EPB41L5: variants seen among roughly 807,000 people sequenced by gnomAD.
EPB41L5 encodes erythrocyte membrane protein band 4.1 like 5, also known as band 4.1-like protein 5.
EPB41L5 carries 55 observed loss-of-function variants against 106.6 expected under a neutral mutation model. The observed-to-expected ratio is 0.52, with a 90% CI of 0.42 to 0.65. The LOEUF (loss-of-function observed/expected upper bound fraction) is 0.65, where lower values mean the gene tolerates loss of function less well. EPB41L5 is among the 30% of genes least tolerant of loss of function. EPB41L5 has a pLI of 0.00. For synonymous variants in EPB41L5, 297 were observed against 306.7 expected (o/e 0.97, Z 0.33); for missense variants, 871 against 882.1 (o/e 0.99, Z 0.16).
chr2:120,167,446 T>C lies in EPB41L5; in HGVS notation c.1963-20T>C. 3 of 1,603,996 alleles carry C rather than the reference T, an allele frequency of 1.9e-6. No homozygotes were observed. The highest frequency in any genetic ancestry group is 1.3e-5 in the African/African-American group (1 of 74,822). On this transcript the variant is annotated intron_variant, in intron 22 of 24. Coordinates refer to ENST00000263713, the MANE Select transcript of EPB41L5 (RefSeq NM_020909.4). The stretch of plus-strand genomic sequence containing the variant: ...TCAGTCTTTCCAAAAAGTAAATACA[T>C]ACATATAAAATTATTTCAGGTGTCT...
chr2:120,048,123 T>TG (rs553428869), intron 3 of EPB41L5, among the ~76,000 whole-genome samples: 1 of 152,288 alleles, frequency 6.6e-6, no homozygotes, highest in South Asian at 2.1e-4. Flanking sequence ...TAAAATTCTT[T>TG]TTTTGTTGTG....
chr2:120,168,982 G>C (rs1398236553), intron 24 of EPB41L5, among the ~76,000 whole-genome samples: 2 of 152,148 alleles, frequency 1.3e-5, no homozygotes, highest in African/African-American at 4.8e-5. Flanking sequence ...GCTGCACACA[G>C]AGAACCCGAC....
Position 120,167,494 on chromosome 2 carries a change from G to A in EPB41L5, c.1991G>A (p.Arg664Gln), listed in dbSNP as rs760264529. 50 of 1,613,690 alleles carry A rather than the reference G, an allele frequency of 3.1e-5. No individual in the cohort carries two copies. The highest frequency in any genetic ancestry group is 6.7e-5 in the Admixed American group (4 of 60,002). Residue 664 changes from arginine (R) to glutamine (Q), a missense_variant, in exon 23 of 25, where the codon CGG becomes CAG. Transcript: ENST00000263713. ...TCTTCCACATCCATGATCACACCCC[G>A]GTGGATTGTTCCGGTAAGTTCATGT... ...QVSSTSMITP[R>Q]WIVPQSGAMS...
chr2:120,070,708 A>G (rs550964999), intron 3 of EPB41L5, among the ~76,000 whole-genome samples: 27 of 152,236 alleles, frequency 1.8e-4, no homozygotes, highest in Non-Finnish European at 3.1e-4. Context: ...AACGTAATCC[A>G]TCAGCTAAAC....
chr2:120,037,998 T>C (rs974194509), intron 2 of EPB41L5, among the ~76,000 whole-genome samples: 2 of 152,200 alleles, frequency 1.3e-5, no homozygotes, highest in African/African-American at 2.4e-5. Flanking sequence ...TTGTAGGATA[T>C]GATAACAAAA....
intron 18 of EPB41L5, among the ~76,000 whole-genome samples, chr2:120,137,150 T>C (rs1201156739): frequency 6.6e-6 from 1 of 152,032 alleles, no homozygotes; most frequent in African/African-American, 2.4e-5. Flanking sequence ...GTAAGGAAAT[T>C]TTTTAATTTC....
chr2:120,060,758 A>G (rs959926483), intron 3 of EPB41L5, among the ~76,000 whole-genome samples: 3 of 152,206 alleles, frequency 2.0e-5, no homozygotes, highest in African/African-American at 2.4e-5. Context: ...CATTGTACCA[A>G]TGTTGGTTTA....
chr2:120,120,882 G>A (rs1349537248), intron 16 of EPB41L5, among the ~76,000 whole-genome samples: 3 of 152,296 alleles, frequency 2.0e-5, no homozygotes, highest in South Asian at 2.1e-4. Flanking sequence ...CTGGGAGGCC[G>A]AGGCGGGCAG....
chr2:120,046,094 G>A (rs1679756819), intron 3 of EPB41L5, among the ~76,000 whole-genome samples: 1 of 152,110 alleles, frequency 6.6e-6, no homozygotes. Context: ...CTTTGCCATT[G>A]TGAATAGTGC....
intron 10 of EPB41L5, 25 bp from the exon 11 acceptor site, chr2:120,087,145 GC>G: frequency 7.4e-7 from 1 of 1,353,846 alleles, no homozygotes; most frequent in East Asian, 2.3e-5. Context: ...TTGTAATTTG[GC>G]TTTTATTCTC....
At chr2:120,113,606 AT>A (rs1198398100) in intron 16 of EPB41L5, among the ~76,000 whole-genome samples, 2 of 152,228 alleles carry the variant, frequency 1.3e-5, no homozygotes, top group Non-Finnish European at 2.9e-5. Context: ...CATCACCACT[AT>A]TTAATTCCGT....
chr2:120,143,383 A>G (rs1234543313), intron 19 of EPB41L5, among the ~76,000 whole-genome samples: 1 of 152,176 alleles, frequency 6.6e-6, no homozygotes, highest in African/African-American at 2.4e-5. Flanking sequence ...TCAGTATTAA[A>G]TCTATGATTC....
At chr2:120,091,441 C>T (rs1250772751) in intron 12 of EPB41L5, 114 bp from the exon 13 acceptor site, 10 of 677,786 alleles carry the variant, frequency 1.5e-5, no homozygotes, top group African/African-American at 7.2e-5. Context: ...TGTTCCTGTG[C>T]GATGAAGTTT....
At chr2:120,032,006 A>G (rs1414213876) in intron 2 of EPB41L5, among the ~76,000 whole-genome samples, 5 of 152,180 alleles carry the variant, frequency 3.3e-5, no homozygotes, top group Non-Finnish European at 7.3e-5. Flanking sequence ...CATTAGAGGC[A>G]TAAAGGACGT....
intron 16 of EPB41L5, among the ~76,000 whole-genome samples, chr2:120,122,135 C>T (rs903672508): frequency 1.2e-4 from 19 of 152,214 alleles, no homozygotes; most frequent in African/African-American, 4.6e-4. Context: ...TGCCTGTTCA[C>T]TCTGATGGTA....
At chr2:120,051,442 G>A (rs1413771971) in intron 3 of EPB41L5, among the ~76,000 whole-genome samples, 2 of 152,194 alleles carry the variant, frequency 1.3e-5, no homozygotes, top group Non-Finnish European at 1.5e-5. Flanking sequence ...GTGAGCGTGG[G>A]ACCCTCCGAG....
At chr2:120,082,022 G>A (rs1443625010) in intron 10 of EPB41L5, among the ~76,000 whole-genome samples, 1 of 152,132 alleles carries the variant, frequency 6.6e-6, no homozygotes, top group African/African-American at 2.4e-5. Context: ...GAGATGATGG[G>A]GTTTTCTAAA....
At chr2:120,027,147 C>T (rs1437655961) in intron 2 of EPB41L5, among the ~76,000 whole-genome samples, 1 of 152,292 alleles carries the variant, frequency 6.6e-6, no homozygotes, top group South Asian at 2.1e-4. Flanking sequence ...AATAGTGGGG[C>T]AGTTATTCAT....
chr2:120,132,511 G>A (rs988518836), intron 18 of EPB41L5, among the ~76,000 whole-genome samples: 2 of 152,222 alleles, frequency 1.3e-5, no homozygotes, highest in Non-Finnish European at 2.9e-5. Flanking sequence ...AGAGTAGAAA[G>A]TGATTGTCTT....
Sources: gnomAD v4.1 joint callset for allele counts (sites outside exome capture counted in the v4.1 genomes callset) on GRCh38, gnomAD v4.1.1 for gene constraint, MANE v1.5 for transcripts, NCBI Gene and HGNC (gene_info 2026-07-23, HGNC 2026-07-21) for gene names.